The following CUX1 variants were observed in gnomAD, a reference collection of about 807,000 sequenced individuals.
CUX1 encodes the protein cut like homeobox 1.
Under a neutral mutation model 158.8 loss-of-function variants are expected in CUX1, and 31 were observed. That is an observed-to-expected ratio of 0.20 (90% CI 0.15 to 0.26). The LOEUF (loss-of-function observed/expected upper bound fraction) is 0.26. Among genes scored for constraint, CUX1 ranks in the 10% least tolerant of loss-of-function variants. The pLI, the probability that CUX1 is intolerant of heterozygous loss-of-function variation, is 1.00. For missense variants in CUX1, 1,589 were observed against 2,014.6 expected, an observed-to-expected ratio of 0.79 and a Z score of 4.04; for synonymous variants, 879 against 862.1, an observed-to-expected ratio of 1.02 and a Z score of -0.34.
chr7:102,111,856 C>T, intron 7 of CUX1, 82 bp downstream of exon 7: 1 of 1,231,994 alleles, frequency 8.1e-7, no homozygotes, highest in Non-Finnish European at 1.2e-6. Context: ...CGCCCCGGTC[C>T]CCGCGGATAC....
intron 4 of CUX1, among the ~76,000 whole-genome samples, chr7:102,096,901 T>A (rs1167708082): frequency 2.6e-5 from 4 of 152,190 alleles, no homozygotes; most frequent in Admixed American, 2.6e-4. Flanking sequence ...CCGTGAACTG[T>A]GTGGCGTTCT....
intron 1 of CUX1, among the ~76,000 whole-genome samples, chr7:101,894,384 G>A (rs1043286211): frequency 2.0e-5 from 3 of 152,198 alleles, no homozygotes; most frequent in African/African-American, 7.2e-5. Context: ...CACGATCTCG[G>A]CTCACTGCAA....
At chr7:102,208,173 C>T (rs1390363289) in intron 20 of CUX1, among the ~76,000 whole-genome samples, 13 of 151,726 alleles carry the variant, frequency 8.6e-5, no homozygotes, top group African/African-American at 2.7e-4. Flanking sequence ...GGGTGACAGA[C>T]GGAGACCCTG....
chr7:101,917,776 C>T (rs12533258), intron 2 of CUX1, among the ~76,000 whole-genome samples: 42,849 of 151,926 alleles, frequency 0.28, 8,623 homozygotes, highest in African/African-American at 0.57. Flanking sequence ...CTAGTGGTCA[C>T]CCACCGTTCT....
chr7:101,907,629 G>A (rs1029694744), intron 1 of CUX1, among the ~76,000 whole-genome samples: 1 of 152,144 alleles, frequency 6.6e-6, no homozygotes, highest in East Asian at 1.9e-4. Context: ...GATTACAGGT[G>A]TGAGTCACCC....
chr7:102,114,964 A>T (rs1831292808), intron 7 of CUX1, among the ~76,000 whole-genome samples: 1 of 152,068 alleles, frequency 6.6e-6, no homozygotes, highest in Non-Finnish European at 1.5e-5. Flanking sequence ...GGAGGAAACT[A>T]TTAACATTGG....
rs1554548105 is a variant in CUX1, at chr7:102,277,956, G to A, written c.1571G>A (p.Arg524His). The change falls in exon 18 of 23, where the codon CGC becomes CAC. Residue 524 changes from arginine to histidine, a missense_variant. Physicochemically the swap from Arg to His is conservative, Grantham distance 29. Coordinates refer to the CUX1 transcript ENST00000292538. ...TTGCCCCTCCCCCCCCAGGAGAACC[G>A]CCTGGCCCAGCACACCCTCCAGGCC... The A allele has an allele frequency of 1.3e-5, 10 of 787,384 alleles. No homozygotes were observed. Among genetic ancestry groups the A allele is most frequent in the South Asian group, 2.5e-5 (1 of 40,804 alleles). The allele number at this position is 787,384 out of a possible 1,614,324, so 48.8% of individuals were successfully genotyped here. A position where few individuals can be genotyped will look rare whatever the true frequency, so the allele number is the denominator to read the frequency against.
intron 3 of CUX1, among the ~76,000 whole-genome samples, chr7:102,041,256 C>CTTTTTTTTTTTTTTT (rs11427183): frequency 2.9e-5 from 2 of 69,892 alleles, no homozygotes; most frequent in African/African-American, 5.2e-5. Flanking sequence ...CTTATCCATT[C>CTTTTTTTTTTTTTTT]TTTTTTTTTT....
At chr7:102,005,240 C>T (rs903454303) in intron 2 of CUX1, among the ~76,000 whole-genome samples, 8 of 152,210 alleles carry the variant, frequency 5.3e-5, no homozygotes, top group Non-Finnish European at 1.2e-4. Context: ...AAAAAATCTC[C>T]ACTGGGCCGG....
intron 1 of CUX1, among the ~76,000 whole-genome samples, chr7:101,841,548 T>TTTTATTTATTTATTTA (rs528663893): frequency 6.6e-6 from 1 of 151,480 alleles, no homozygotes; most frequent in African/African-American, 2.4e-5. Flanking sequence ...TTTTATTTCA[T>TTTTATTTATTTATTTA]TTTATTTATT....
chr7:102,177,212 G>A (rs777695197), intron 10 of CUX1, among the ~76,000 whole-genome samples: 6 of 151,600 alleles, frequency 4.0e-5, no homozygotes, highest in Non-Finnish European at 8.8e-5. Context: ...TCAGGAGTTC[G>A]AGACCAGCCT....
intron 2 of CUX1, among the ~76,000 whole-genome samples, chr7:101,993,331 A>AAAAT (rs36140974): frequency 9.1e-4 from 137 of 151,294 alleles, no homozygotes; most frequent in East Asian, 4.7e-3. Context: ...CTCCGTCTCA[A>AAAAT]AAATAAATAA....
At chr7:101,949,195 G>C (rs184521225) in intron 2 of CUX1, among the ~76,000 whole-genome samples, 1,522 of 151,936 alleles carry the variant, frequency 0.01, 27 homozygotes, top group African/African-American at 0.035. Flanking sequence ...GCAGTAGTGC[G>C]ATCTCAGCTC....
chr7:102,192,336 A>G (rs1794367237), intron 12 of CUX1, among the ~76,000 whole-genome samples: 2 of 152,192 alleles, frequency 1.3e-5, no homozygotes, highest in South Asian at 4.1e-4. Context: ...TTAATGGACC[A>G]CTTGGAGTCT....
chr7:102,278,111 A>G, intron 18 of CUX1: 1 of 1,408,496 alleles, frequency 7.1e-7, no homozygotes, highest in Non-Finnish European at 1.0e-6. Flanking sequence ...CCAGGCAGGG[A>G]GAGAGGCCGA....
At chr7:101,900,404 C>T (rs753031084) in intron 1 of CUX1, among the ~76,000 whole-genome samples, 2 of 152,232 alleles carry the variant, frequency 1.3e-5, no homozygotes, top group African/African-American at 2.4e-5. Flanking sequence ...GGCCATCTGG[C>T]TGGCAGCAGC....
In CUX1 at chr7:101,965,866, A is replaced by G. The variant is rs1354181476; in HGVS notation, c.141+49641A>G. Among the ~76,000 whole-genome samples, 3 of 150,990 alleles carry G rather than the reference A, an allele frequency of 2.0e-5. No individual in the cohort carries two copies. In the East Asian group the frequency reaches 5.8e-4, roughly 29 times the overall value. ...TCCATCTCAAAAAAAAAAAAAAAAA[A>G]AAAAAAAAGATGACTTGGAGATTGA... On this transcript the variant is annotated intron_variant, in intron 2 of 23. Coordinates refer to ENST00000292535, the MANE Select transcript of CUX1 (RefSeq NM_181552.4).
intron 13 of CUX1, chr7:102,194,299 T>C (rs1007726675): frequency 5.9e-6 from 1 of 170,476 alleles, no homozygotes. Context: ...AAAAACAATT[T>C]CAGATTGTGT....
chr7:102,144,021 A>G (rs781919943), intron 8 of CUX1, among the ~76,000 whole-genome samples: 7 of 151,982 alleles, frequency 4.6e-5, no homozygotes, highest in African/African-American at 1.7e-4. Flanking sequence ...ACCTCAGGCA[A>G]TCCACCCACC....
Sources: gnomAD v4.1 joint callset for allele counts (sites outside exome capture counted in the v4.1 genomes callset) on GRCh38, gnomAD v4.1.1 for gene constraint, MANE v1.5 for transcripts, NCBI Gene and HGNC (gene_info 2026-07-23, HGNC 2026-07-21) for gene names.